ASMTL: variants seen among roughly 807,000 people sequenced by gnomAD.
The protein encoded by ASMTL is probable bifunctional dTTP/UTP pyrophosphatase/methyltransferase protein.
In ASMTL, 57 loss-of-function variants were observed where a neutral mutation model predicts 60.3. The ratio of observed to expected loss-of-function variants is 0.95; its 90% CI spans 0.76 to 1.18. The LOEUF (loss-of-function observed/expected upper bound fraction) is 1.18, where lower values mean the gene tolerates loss of function less well. Among genes scored for constraint, ASMTL ranks in the 50% most tolerant of loss-of-function variants. ASMTL has a pLI of 0.00. For synonymous variants in ASMTL, 419 were observed against 373.0 expected, an observed-to-expected ratio of 1.12 and a Z score of -1.42; for missense variants, 981 against 852.6, an observed-to-expected ratio of 1.15 and a Z score of -1.88.
At chrX:1,413,439 G>A (rs1217058278) in intron 11 of ASMTL, among the ~76,000 whole-genome samples, 2 of 152,228 alleles carry the variant, frequency 1.3e-5, no homozygotes, top group Admixed American at 6.5e-5. Context: ...AGGGAGAGTC[G>A]GGGCCGCACT....
Position 1,427,999 on chromosome X carries a change from A to C in ASMTL, c.632T>G (p.Leu211Arg). Residue 211 changes from leucine (L) to arginine (R), a missense_variant, in exon 7 of 13, where the codon CTC (leucine) becomes CGC (arginine). Transcript: ENST00000381317. ...LNHFCKQLVK[L>R]YYPPRPEDLR... ...GTCCTCCGGACGGGGCGGGTAGTAG[A>C]GCTTCACCAGCTGCTTGCAGAAGTG... The C allele has an allele frequency of 6.2e-7, 1 of 1,613,588 alleles. No homozygotes were observed. Among genetic ancestry groups the C allele is most frequent in the Non-Finnish European group, 8.5e-7 (1 of 1,179,846 alleles).
chrX:1,444,428 C>T (rs1403379539), intron 1 of ASMTL, among the ~76,000 whole-genome samples: 4 of 152,134 alleles, frequency 2.6e-5, no homozygotes, highest in East Asian at 3.9e-4. Flanking sequence ...AGGCTGGTGT[C>T]GAACTCCTGA....
intron 5 of ASMTL, among the ~76,000 whole-genome samples, chrX:1,434,448 C>T (rs1362502001): frequency 6.7e-6 from 1 of 150,018 alleles, no homozygotes; most frequent in African/African-American, 2.5e-5. Flanking sequence ...TATGATCACA[C>T]CACTGCACTC....
chrX:1,439,769 G>A (rs2091061101), intron 2 of ASMTL, among the ~76,000 whole-genome samples: 1 of 150,930 alleles, frequency 6.6e-6, no homozygotes, highest in South Asian at 2.1e-4. Flanking sequence ...CTAGGAGGCG[G>A]AGGTTGCAGT....
chrX:1,416,280 C>T (rs751302150), intron 11 of ASMTL, among the ~76,000 whole-genome samples: 12 of 149,454 alleles, frequency 8.0e-5, no homozygotes, highest in Admixed American at 3.3e-4. Context: ...GATACACCAA[C>T]AGACAGGCAC....
At chrX:1,434,489 C>CAAAAAA (rs34994213) in intron 5 of ASMTL, among the ~76,000 whole-genome samples, 29 of 113,810 alleles carry the variant, frequency 2.5e-4, no homozygotes, top group East Asian at 2.6e-4. Flanking sequence ...GACCCTGTCT[C>CAAAAAA]AAAAAAAAAA....
At chrX:1,419,193 G>T in intron 9 of ASMTL, 79 bp from the exon 10 acceptor site, 1 of 1,541,890 alleles carries the variant, frequency 6.5e-7, no homozygotes. Context: ...GGGTCGGGGG[G>T]AGAAGTGCAG....
intron 8 of ASMTL, among the ~76,000 whole-genome samples, chrX:1,424,680 C>T (rs759100300): frequency 4.6e-5 from 7 of 151,162 alleles, no homozygotes; most frequent in Non-Finnish European, 7.4e-5. Context: ...ATCCATCCAT[C>T]TACCCACCTT....
intron 12 of ASMTL, among the ~76,000 whole-genome samples, chrX:1,406,356 G>A: frequency 6.6e-6 from 1 of 151,210 alleles, no homozygotes; most frequent in Middle Eastern, 3.5e-3. Flanking sequence ...TGAGATGGAT[G>A]GATAGGTGAA....
intron 1 of ASMTL, among the ~76,000 whole-genome samples, chrX:1,447,396 C>T (rs1451832096): frequency 6.6e-6 from 1 of 151,950 alleles, no homozygotes; most frequent in East Asian, 1.9e-4. Context: ...GAAGCACCAC[C>T]ATCTTGGACA....
intron 12 of ASMTL, among the ~76,000 whole-genome samples, chrX:1,404,242 GATGA>G (rs1476989069): frequency 6.6e-6 from 1 of 150,770 alleles, no homozygotes; most frequent in African/African-American, 2.5e-5. Context: ...TAGGTAGGTA[GATGA>G]ATGGATGGAT....
chrX:1,405,285 TAGATGGATG>T (rs2089776683), intron 12 of ASMTL, among the ~76,000 whole-genome samples: 1 of 140,034 alleles, frequency 7.1e-6, no homozygotes, highest in Non-Finnish European at 1.6e-5. Flanking sequence ...AGTGGATGGA[TAGATGGATG>T]TGATGGATGG....
At position 1,435,009 on chromosome X, in the gene ASMTL, G is replaced by T; in HGVS notation, c.400+13C>A. The T allele has an allele frequency of 6.2e-7, 1 of 1,613,570 alleles. No homozygotes were observed. The highest frequency in any genetic ancestry group is 1.7e-5 in the Admixed American group (1 of 59,988). ...GGCCTCTGGGGCTACCCCGAAACCT[G>T]GGCCGCGGTTACCTTTGCTGGAGCA... On this transcript the variant is annotated intron_variant, in intron 5 of 12. Transcript: ENST00000381317.
At chrX:1,439,869 GAAAGAA>G (rs2091065007) in intron 2 of ASMTL, among the ~76,000 whole-genome samples, 1 of 150,264 alleles carries the variant, frequency 6.7e-6, no homozygotes, top group African/African-American at 2.4e-5. Context: ...ACAAGGAAAA[GAAAGAA>G]AAAGAAAAAG....
chrX:1,406,114 A>G (rs1370849273), intron 12 of ASMTL, among the ~76,000 whole-genome samples: 4 of 148,020 alleles, frequency 2.7e-5, no homozygotes, highest in African/African-American at 1.0e-4. Flanking sequence ...GTAGGTAGGT[A>G]GGTAGATGGA....
At chrX:1,442,905 G>T (rs1275074018) in intron 1 of ASMTL, among the ~76,000 whole-genome samples, 3 of 152,150 alleles carry the variant, frequency 2.0e-5, no homozygotes, top group Admixed American at 2.0e-4. Flanking sequence ...TCCAGTGGGG[G>T]AGCCCCTGGC....
rs2089856137 is a variant in ASMTL, at chrX:1,406,614, A to T, written c.1646-3125T>A. 2.7e-5 allele frequency among the ~76,000 whole-genome samples: 4 copies of T among 149,974 alleles called. No homozygotes were observed. In the South Asian group the frequency reaches 8.5e-4, roughly 32 times the overall value. On this transcript the variant is annotated intron_variant, in intron 12 of 12. Transcript: ENST00000381317. ...TGTATGGGTGAATAGATAGGTAGGT[A>T]GGTAGATGGATGCATGGATGTGATG...
intron 1 of ASMTL, among the ~76,000 whole-genome samples, chrX:1,443,809 A>ATCATCGTGGACACACACTGCCATCTTGG: frequency 6.7e-6 from 1 of 148,742 alleles, no homozygotes; most frequent in African/African-American, 2.5e-5. Flanking sequence ...GTGGACAGAC[A>ATCATCGTGGACACACACTGCCATCTTGG]CCATCGTGGA....
In ASMTL at chrX:1,407,000, TG is replaced by T. The variant is rs1297877327; in HGVS notation, c.1646-3512del. Among the ~76,000 whole-genome samples the T allele has an allele frequency of 1.2e-3, 173 of 149,842 alleles. 1 individual carries two copies. The highest frequency in any genetic ancestry group is 4.0e-3 in the African/African-American group (161 of 40,340). On this transcript the variant is annotated intron_variant, in intron 12 of 12. Coordinates refer to ENST00000381317, the MANE Select transcript of ASMTL (RefSeq NM_004192.4). ...GTAGATGAATGGATGGATAGATGCA[TG>T]GATTGGATGGATGGGTGAATAGATG...
Sources: allele counts gnomAD v4.1 joint callset (sites outside exome capture counted in the v4.1 genomes callset), GRCh38; gene constraint gnomAD v4.1.1; transcripts MANE v1.5; gene names NCBI Gene and HGNC (gene_info 2026-07-23, HGNC 2026-07-21).